LSAMP: variants seen among roughly 807,000 people sequenced by gnomAD.
The protein encoded by LSAMP is limbic system-associated membrane protein.
A neutral mutation model predicts 38.6 loss-of-function variants in LSAMP; 7 were observed. The ratio of observed to expected loss-of-function variants is 0.18; its 90% confidence interval spans 0.10 to 0.34. LSAMP has a LOEUF of 0.34. Among genes scored for constraint, LSAMP ranks in the 10% least tolerant of loss-of-function variants. The probability of loss-of-function intolerance (pLI) is 1.00; values close to 1 mark genes in which losing one functional copy is unlikely to be tolerated. For missense variants in LSAMP, 313 were observed against 420.0 expected (o/e 0.75, Z 2.23); for synonymous variants, 154 against 166.8 (o/e 0.92, Z 0.59).
At chr3:115,948,376 A>G (rs1054989513) in intron 3 of LSAMP, among the ~76,000 whole-genome samples, 1 of 152,214 alleles carries the variant, frequency 6.6e-6, no homozygotes, top group Non-Finnish European at 1.5e-5. Flanking sequence ...ACCATATGAT[A>G]GGCCACAAAA....
chr3:116,277,437 C>A (rs1378186057), intron 1 of LSAMP, among the ~76,000 whole-genome samples: 2 of 151,484 alleles, frequency 1.3e-5, no homozygotes, highest in Non-Finnish European at 2.9e-5. Context: ...GGCGTGATCT[C>A]GGCTCACTGC....
intron 1 of LSAMP, among the ~76,000 whole-genome samples, chr3:116,269,130 G>A (rs2046935405): frequency 6.6e-6 from 1 of 151,936 alleles, no homozygotes. Context: ...AGCACAAAAC[G>A]CTTTAATTAC....
chr3:116,230,710 C>T (rs773142128), intron 1 of LSAMP, among the ~76,000 whole-genome samples: 1 of 152,060 alleles, frequency 6.6e-6, no homozygotes, highest in Non-Finnish European at 1.5e-5. Flanking sequence ...GCCTCAGCTC[C>T]TTGGAACCCA....
intron 1 of LSAMP, chr3:116,367,895 G>A (rs2048376846): frequency 6.6e-6 from 1 of 151,994 alleles, no homozygotes; most frequent in Admixed American, 6.6e-5. Flanking sequence ...CAGGAGCAAT[G>A]ACACAACTGC....
At chr3:116,035,860 G>A (rs905771984) in intron 2 of LSAMP, among the ~76,000 whole-genome samples, 3 of 152,176 alleles carry the variant, frequency 2.0e-5, no homozygotes, top group South Asian at 2.1e-4. Context: ...GTTGCTTCTC[G>A]ACATTCTCCA....
At chr3:116,442,390 T>C (rs1457687668) in intron 1 of LSAMP, among the ~76,000 whole-genome samples, 2 of 152,172 alleles carry the variant, frequency 1.3e-5, no homozygotes, top group Non-Finnish European at 2.9e-5. Context: ...TGGCTTCCAA[T>C]GAATCAAGTT....
At chr3:116,053,652 G>A (rs1015567726) in intron 2 of LSAMP, among the ~76,000 whole-genome samples, 3 of 152,176 alleles carry the variant, frequency 2.0e-5, no homozygotes, top group African/African-American at 7.2e-5. Flanking sequence ...CAAGTAGTTT[G>A]ATACGACTGA....
chr3:116,131,976 C>T (rs1709144841), intron 1 of LSAMP, among the ~76,000 whole-genome samples: 1 of 151,790 alleles, frequency 6.6e-6, no homozygotes, highest in Non-Finnish European at 1.5e-5. Flanking sequence ...TATAGGTGCA[C>T]ACTACCACGC....
chr3:116,168,728 C>A (rs916378237), intron 1 of LSAMP, among the ~76,000 whole-genome samples: 10 of 152,150 alleles, frequency 6.6e-5, no homozygotes, highest in African/African-American at 2.4e-4. Context: ...AACAATTCCA[C>A]CATTAGTGAT....
intron 2 of LSAMP, among the ~76,000 whole-genome samples, chr3:116,055,853 T>C (rs1318167939): frequency 6.6e-6 from 1 of 152,226 alleles, no homozygotes; most frequent in African/African-American, 2.4e-5. Context: ...GCAAATTCCA[T>C]GTGGGTTCTA....
chr3:115,949,942 T>C (rs756051412), intron 3 of LSAMP, among the ~76,000 whole-genome samples: 1 of 152,018 alleles, frequency 6.6e-6, no homozygotes, highest in African/African-American at 2.4e-5. Flanking sequence ...CATATGCAAG[T>C]CAATAAATGT....
chr3:116,011,767 A>C (rs1245432519), intron 3 of LSAMP, among the ~76,000 whole-genome samples: 1 of 152,210 alleles, frequency 6.6e-6, no homozygotes, highest in African/African-American at 2.4e-5. Flanking sequence ...GCTGGGGCAA[A>C]GGAAGAAAAA....
At chr3:116,288,328 T>C (rs1284079381) in intron 1 of LSAMP, among the ~76,000 whole-genome samples, 1 of 152,176 alleles carries the variant, frequency 6.6e-6, no homozygotes, top group African/African-American at 2.4e-5. Flanking sequence ...AAAAGACAGA[T>C]GAGAGAAGGT....
chr3:116,243,648 C>T (rs1488050536), intron 1 of LSAMP, among the ~76,000 whole-genome samples: 6 of 152,144 alleles, frequency 3.9e-5, no homozygotes, highest in Non-Finnish European at 8.8e-5. Flanking sequence ...ACAAAATTTT[C>T]TCTCTGCAGC....
intron 1 of LSAMP, among the ~76,000 whole-genome samples, chr3:116,103,395 G>A (rs1249214622): frequency 4.0e-5 from 6 of 148,516 alleles, no homozygotes; most frequent in Non-Finnish European, 7.4e-5. Flanking sequence ...AACCTGGGAG[G>A]CAGAGGTTGC....
chr3:116,032,662 A>G (rs1181952928), intron 2 of LSAMP, among the ~76,000 whole-genome samples: 2 of 151,974 alleles, frequency 1.3e-5, no homozygotes, highest in Non-Finnish European at 2.9e-5. Context: ...AATTAGCTGG[A>G]CATGGTGGCA....
intron 1 of LSAMP, among the ~76,000 whole-genome samples, chr3:116,193,178 A>G: frequency 6.6e-6 from 1 of 152,248 alleles, no homozygotes; most frequent in Middle Eastern, 3.2e-3. Context: ...TTTATAAATG[A>G]GACTGCTATG....
chr3:116,431,340 T>A (rs1032560329), intron 1 of LSAMP, among the ~76,000 whole-genome samples: 3 of 152,022 alleles, frequency 2.0e-5, no homozygotes, highest in African/African-American at 4.8e-5. Flanking sequence ...TTTGCTCATT[T>A]AAAAAAAATC....
chr3:116,110,985 CA>C (rs763300408), intron 1 of LSAMP, among the ~76,000 whole-genome samples: 8 of 150,040 alleles, frequency 5.3e-5, no homozygotes, highest in African/African-American at 7.4e-5. Context: ...CTCTGGTGGG[CA>C]GGGGCGGGGG....
Sources: allele counts gnomAD v4.1 joint callset (sites outside exome capture counted in the v4.1 genomes callset), GRCh38; gene constraint gnomAD v4.1.1; transcripts MANE v1.5; gene names NCBI Gene and HGNC (gene_info 2026-07-23, HGNC 2026-07-21).